Variants in PLCH1 observed in about 807,000 individuals in gnomAD.
PLCH1 encodes the protein phospholipase C eta 1, also known as 1-phosphatidylinositol 4,5-bisphosphate phosphodiesterase eta-1.
In PLCH1, 60 loss-of-function variants were observed where a neutral mutation model predicts 126.7. That is an observed-to-expected ratio of 0.47 (90% CI 0.38 to 0.59). The LOEUF is 0.59. Ranked by LOEUF, PLCH1 falls within the 20% of genes least tolerant of loss-of-function variation. PLCH1 has a pLI of 0.00. For synonymous variants in PLCH1, 719 were observed against 734.9 expected (o/e 0.98, Z 0.35); for missense variants, 1,723 against 2,040.0 (o/e 0.84, Z 2.99).
intron 4 of PLCH1, among the ~76,000 whole-genome samples, chr3:155,593,188 G>A (rs115003386): frequency 6.6e-6 from 1 of 152,120 alleles, no homozygotes; most frequent in African/African-American, 2.4e-5. Context: ...GGAATCAAGG[G>A]AGTCAACTAG....
At chr3:155,542,266 T>A (rs982395508) in intron 10 of PLCH1, among the ~76,000 whole-genome samples, 2 of 152,136 alleles carry the variant, frequency 1.3e-5, no homozygotes, top group Non-Finnish European at 2.9e-5. Context: ...CCTACGCCCA[T>A]GGAGTCTCGC....
chr3:155,612,222 G>A (rs1735195689), intron 2 of PLCH1, among the ~76,000 whole-genome samples: 2 of 151,874 alleles, frequency 1.3e-5, no homozygotes, highest in Non-Finnish European at 2.9e-5. Context: ...CCAGCCACTC[G>A]GGAGGCTGAG....
In PLCH1 at chr3:155,504,595, G is replaced by A; in HGVS notation, c.1664C>T (p.Ser555Leu). ...GTTGGTCATGAGGGATCGTCCATGT[G>A]ATTTCTTTCCACTTTCCTTTACATC... ...SPDVKESGKKSHGRSLMTNFG... is the reference protein window; with the variant it reads ...SPDVKESGKKLHGRSLMTNFG... Residue 555 changes from serine to leucine, a missense_variant, in exon 13 of 23, where the codon TCA becomes TTA. By Grantham distance (145) the Ser-to-Leu change is moderately radical. Coordinates refer to ENST00000460012, the MANE Select transcript of PLCH1 (RefSeq NM_014996.4). The A allele has an allele frequency of 6.2e-7, 1 of 1,607,430 alleles. No individual in the cohort carries two copies. The highest frequency in any genetic ancestry group is 8.5e-7 in the Non-Finnish European group (1 of 1,173,966).
rs189219244 is a variant in PLCH1, at chr3:155,640,746, T to G, written c.80-44368A>C. Among the ~76,000 whole-genome samples the G allele has an allele frequency of 2.0e-3, 297 of 152,298 alleles. 4 individuals are homozygous for G. Among genetic ancestry groups the G allele is most frequent in the Non-Finnish European group, 1.7e-3 (113 of 68,020 alleles). On this transcript the variant is annotated intron_variant, in intron 2 of 22. Transcript: ENST00000460012. ...TTAGATTATTGGCCCAAAACCTCCA[T>G]GATTATATAATATATATTAGGACTA... is the stretch of plus-strand genomic sequence containing the variant.
chr3:155,715,373 C>A (rs1747428017), intron 1 of PLCH1, among the ~76,000 whole-genome samples: 1 of 152,110 alleles, frequency 6.6e-6, no homozygotes, highest in Non-Finnish European at 1.5e-5. Flanking sequence ...ACAATCACAG[C>A]TCACGGCAAC....
intron 14 of PLCH1, among the ~76,000 whole-genome samples, chr3:155,498,616 C>T (rs1363351246): frequency 6.6e-6 from 1 of 152,046 alleles, no homozygotes; most frequent in Non-Finnish European, 1.5e-5. Context: ...GGGTAGCGGG[C>T]CACAAGAATT....
chr3:155,646,834 T>C (rs1024115676), intron 2 of PLCH1, among the ~76,000 whole-genome samples: 2 of 152,150 alleles, frequency 1.3e-5, no homozygotes, highest in South Asian at 2.1e-4. Flanking sequence ...CATAAACATA[T>C]CATGCTGGGT....
At chr3:155,692,553 TTTTTG>T (rs140149730) in intron 2 of PLCH1, among the ~76,000 whole-genome samples, 3 of 150,544 alleles carry the variant, frequency 2.0e-5, no homozygotes, top group African/African-American at 4.9e-5. Flanking sequence ...ACCATCATTG[TTTTTG>T]TTTTGTTTTG....
At chr3:155,582,937 C>G (rs1338886271) in intron 6 of PLCH1, among the ~76,000 whole-genome samples, 4 of 151,846 alleles carry the variant, frequency 2.6e-5, no homozygotes. Flanking sequence ...CTAATCAGGA[C>G]CTAATTTACT....
chr3:155,470,039 G>A lies in PLCH1; in HGVS notation c.2938+15317C>T, dbSNP rs552655379. On this transcript the variant is annotated intron_variant, in intron 21 of 21. Coordinates refer to the PLCH1 transcript ENST00000494598. Reference sequence around the variant, plus strand: ...AACGCCTCTCCTCCTCCAAAGGAACGCAGTTCCTCACCAGCAACGGAACAA... The same window carrying A: ...AACGCCTCTCCTCCTCCAAAGGAACACAGTTCCTCACCAGCAACGGAACAA... Among the ~76,000 whole-genome samples the A allele has an allele frequency of 3.8e-3, 580 of 152,282 alleles. 2 individuals carry two copies. The highest frequency in any genetic ancestry group is 7.5e-3 in the South Asian group (36 of 4,826).
chr3:155,693,065 C>T (rs962271390), intron 2 of PLCH1, among the ~76,000 whole-genome samples: 3 of 151,828 alleles, frequency 2.0e-5, no homozygotes, highest in Non-Finnish European at 2.9e-5. Context: ...TACAGGCGTG[C>T]GCCCGGCCTA....
intron 12 of PLCH1, among the ~76,000 whole-genome samples, chr3:155,513,369 T>C (rs1719869826): frequency 6.6e-6 from 1 of 152,248 alleles, no homozygotes; most frequent in Admixed American, 6.5e-5. Context: ...CATTAGGATC[T>C]CTTCAGTGAA....
At chr3:155,720,449 T>C (rs1412158828) in intron 1 of PLCH1, among the ~76,000 whole-genome samples, 2 of 152,254 alleles carry the variant, frequency 1.3e-5, no homozygotes, top group African/African-American at 4.8e-5. Context: ...GTGGTTTTGA[T>C]TTGCATTTCC....
chr3:155,609,315 T>C (rs1245305340), intron 2 of PLCH1, among the ~76,000 whole-genome samples: 2 of 152,030 alleles, frequency 1.3e-5, no homozygotes, highest in Non-Finnish European at 2.9e-5. Context: ...AGTTCAACTC[T>C]CAGGAAGCCC....
chr3:155,472,173 A>G (rs1350411802), intron 21 of PLCH1, among the ~76,000 whole-genome samples: 1 of 152,128 alleles, frequency 6.6e-6, no homozygotes, highest in South Asian at 2.1e-4. Context: ...AAATTGATAG[A>G]CCACTAGCAA....
chr3:155,496,760 G>T (rs1717097183), intron 15 of PLCH1, among the ~76,000 whole-genome samples: 1 of 152,302 alleles, frequency 6.6e-6, no homozygotes. Context: ...GATATGAATA[G>T]ATGTGACTAG....
chr3:155,542,754 T>G (rs981781781), intron 10 of PLCH1, among the ~76,000 whole-genome samples: 3 of 152,346 alleles, frequency 2.0e-5, no homozygotes, highest in Non-Finnish European at 2.9e-5. Context: ...CTGCAGCCAC[T>G]GCTGCTGGTA....
chr3:155,706,615 C>CA (rs56707638), intron 1 of PLCH1, among the ~76,000 whole-genome samples: 10,909 of 138,036 alleles, frequency 0.079, 457 homozygotes, highest in Middle Eastern at 0.12. Context: ...GACTCCGTCT[C>CA]AAAAAAAAAA....
chr3:155,591,640 TA>T (rs1732184356), intron 4 of PLCH1, among the ~76,000 whole-genome samples: 1 of 152,220 alleles, frequency 6.6e-6, no homozygotes, highest in Non-Finnish European at 1.5e-5. Context: ...TTATTATAAA[TA>T]AACACATTTT....
Sources: allele counts gnomAD v4.1 joint callset (sites outside exome capture counted in the v4.1 genomes callset), GRCh38; gene constraint gnomAD v4.1.1; transcripts MANE v1.5; gene names NCBI Gene and HGNC (gene_info 2026-07-23, HGNC 2026-07-21).